FBXL2: variants seen among roughly 807,000 people sequenced by gnomAD.
The protein encoded by FBXL2 is F-box/LRR-repeat protein 2.
A neutral mutation model predicts 69.2 loss-of-function variants in FBXL2; 38 were observed. The ratio of observed to expected loss-of-function variants is 0.55; its 90% CI spans 0.42 to 0.72. The LOEUF is 0.72. Ranked by LOEUF, FBXL2 falls within the 30% of genes least tolerant of loss-of-function variation. FBXL2 has a pLI of 0.00. For missense variants in FBXL2, 354 were observed against 520.3 expected (o/e 0.68, Z 3.11); for synonymous variants, 192 against 201.3 (o/e 0.95, Z 0.39).
chr3:33,385,387 A>T, intron 14 of FBXL2, 114 bp from the exon 15 acceptor site: 1 of 933,040 alleles, frequency 1.1e-6, no homozygotes, highest in Non-Finnish European at 1.8e-6. Flanking sequence ...CATAAATTCT[A>T]CTTCAACTAA....
At chr3:33,286,575 G>A (rs2034640192) in intron 1 of FBXL2, among the ~76,000 whole-genome samples, 1 of 152,194 alleles carries the variant, frequency 6.6e-6, no homozygotes, top group Non-Finnish European at 1.5e-5. Context: ...TGTCAGACAG[G>A]GACATTTAAG....
intron 2 of FBXL2, among the ~76,000 whole-genome samples, chr3:33,344,953 T>C (rs2040327856): frequency 6.6e-6 from 1 of 152,194 alleles, no homozygotes; most frequent in African/African-American, 2.4e-5. Context: ...TTAAAGAAAT[T>C]GAATCCACAA....
intron 2 of FBXL2, among the ~76,000 whole-genome samples, chr3:33,334,480 G>C (rs567912249): frequency 6.6e-6 from 1 of 152,116 alleles, no homozygotes; most frequent in East Asian, 1.9e-4. Context: ...CAGGTTAACA[G>C]AAATTATTCA....
chr3:33,400,601 T>C (rs1425095260), intron 12 of FBXL2, among the ~76,000 whole-genome samples: 2 of 152,176 alleles, frequency 1.3e-5, no homozygotes, highest in African/African-American at 2.4e-5. Flanking sequence ...CTCACTTATA[T>C]GTGGGAACTA....
chr3:33,307,888 A>T (rs1442729771), intron 2 of FBXL2, among the ~76,000 whole-genome samples: 1 of 152,186 alleles, frequency 6.6e-6, no homozygotes, highest in Non-Finnish European at 1.5e-5. Flanking sequence ...AGATTTTTTT[A>T]AAAAGTTATA....
chr3:33,396,442 CA>C, intron 12 of FBXL2: 1 of 525,014 alleles, frequency 1.9e-6, no homozygotes, highest in Non-Finnish European at 3.4e-6. Context: ...AAAAACCACA[CA>C]CCTCACACCA....
At chr3:33,317,674 C>G in intron 2 of FBXL2, 3 of 348,056 alleles carry the variant, frequency 8.6e-6, no homozygotes, top group South Asian at 4.6e-5. Flanking sequence ...GGCTCCCTTA[C>G]CATTGGTCTT....
intron 1 of FBXL2, among the ~76,000 whole-genome samples, chr3:33,294,025 C>T (rs948575524): frequency 3.9e-5 from 6 of 152,150 alleles, no homozygotes; most frequent in Non-Finnish European, 1.5e-5. Flanking sequence ...TAAGTATCTT[C>T]TTGGATAACA....
intron 1 of FBXL2, among the ~76,000 whole-genome samples, chr3:33,295,968 C>A (rs914971601): frequency 1.5e-4 from 23 of 152,216 alleles, no homozygotes; most frequent in Admixed American, 9.8e-4. Flanking sequence ...ATACAAGTGC[C>A]TGCTCAGATC....
chr3:33,404,915 T>C (rs763820928), downstream of FBXL2, among the ~76,000 whole-genome samples: 7 of 152,224 alleles, frequency 4.6e-5, no homozygotes, highest in Non-Finnish European at 7.3e-5. Context: ...TATTCTATCC[T>C]GTCTCATCAT....
At chr3:33,396,070 C>G in intron 12 of FBXL2, 1 of 1,200,996 alleles carries the variant, frequency 8.3e-7, no homozygotes, top group Non-Finnish European at 1.2e-6. Context: ...CCTAACACAG[C>G]AAGAGTTCTC....
chr3:33,312,807 G>A, intron 2 of FBXL2, among the ~76,000 whole-genome samples: 1 of 152,048 alleles, frequency 6.6e-6, no homozygotes, highest in Admixed American at 6.6e-5. Flanking sequence ...AGGAATAAGA[G>A]AGGAGATATC....
At chr3:33,287,942 G>A (rs1182285119) in intron 1 of FBXL2, among the ~76,000 whole-genome samples, 2 of 151,322 alleles carry the variant, frequency 1.3e-5, no homozygotes, top group African/African-American at 4.9e-5. Context: ...GGATTTACTG[G>A]GTTTTTTTTT....
At chr3:33,376,410 A>G (rs1026736359) in intron 10 of FBXL2, among the ~76,000 whole-genome samples, 2 of 152,132 alleles carry the variant, frequency 1.3e-5, no homozygotes, top group African/African-American at 2.4e-5. Flanking sequence ...GCTTTTACCA[A>G]TTTTTCTTAC....
At chr3:33,358,931 C>T (rs901953457) in intron 2 of FBXL2, 36 bp from the exon 3 acceptor site, 7 of 1,327,132 alleles carry the variant, frequency 5.3e-6, no homozygotes, top group Non-Finnish European at 7.3e-6. Flanking sequence ...AATGTTAACA[C>T]CATCTCGTTT....
At chr3:33,393,611 T>C (rs1257922960) in intron 12 of FBXL2, among the ~76,000 whole-genome samples, 2 of 152,246 alleles carry the variant, frequency 1.3e-5, no homozygotes, top group Non-Finnish European at 2.9e-5. Flanking sequence ...TTCCCCCATC[T>C]TACTACCTTG....
intron 5 of FBXL2, among the ~76,000 whole-genome samples, chr3:33,368,562 T>C (rs1053342142): frequency 2.6e-5 from 4 of 152,158 alleles, no homozygotes; most frequent in Admixed American, 2.0e-4. Context: ...TTTGTATCTA[T>C]ATTTAAAGTT....
At chr3:33,308,971 C>A (rs2036947268) in intron 2 of FBXL2, among the ~76,000 whole-genome samples, 1 of 152,136 alleles carries the variant, frequency 6.6e-6, no homozygotes, top group Non-Finnish European at 1.5e-5. Context: ...TTAAATTAGT[C>A]AAGACTTACT....
the FBXL2 span, among the ~76,000 whole-genome samples, chr3:33,413,486 G>C: frequency 3.9e-4 from 57 of 147,876 alleles, no homozygotes; most frequent in African/African-American, 1.4e-3. Context: ...GGCAGAGCTT[G>C]CAGTGAGCCA....
Sources: allele counts gnomAD v4.1 joint callset (sites outside exome capture counted in the v4.1 genomes callset), GRCh38; gene constraint gnomAD v4.1.1; transcripts MANE v1.5; gene names NCBI Gene and HGNC (gene_info 2026-07-23, HGNC 2026-07-21).